Variants in AKAP6 observed in about 807,000 individuals in gnomAD.
The protein encoded by AKAP6 is A-kinase anchor protein 6.
Under a neutral mutation model 188.5 loss-of-function variants are expected in AKAP6, and 58 were observed. The ratio of observed to expected loss-of-function variants is 0.31; its 90% CI spans 0.25 to 0.38. The LOEUF is 0.38. Ranked by LOEUF, AKAP6 falls within the 10% of genes least tolerant of loss-of-function variation. The pLI, the probability that AKAP6 is intolerant of heterozygous loss-of-function variation, is 1.00. For missense variants in AKAP6, 2,710 were observed against 2,740.0 expected (o/e 0.99, Z 0.24); for synonymous variants, 989 against 998.6 (o/e 0.99, Z 0.18).
At chr14:32,380,009 T>C (rs1326096360) in intron 1 of AKAP6, among the ~76,000 whole-genome samples, 3 of 152,216 alleles carry the variant, frequency 2.0e-5, no homozygotes, top group African/African-American at 4.8e-5. Context: ...TACTTCCTTA[T>C]ATAAATTTGT....
Position 32,599,511 on chromosome 14 carries a change from ATCC to A in AKAP6, c.2566+10_2566+12del. ...TTATTGCATCTCACAAAGCAGGTAAATCCTCCTGAAATATTGCAAGTCTTTACG... is the reference window on the plus strand; with the variant it reads ...TTATTGCATCTCACAAAGCAGGTAAATCCTGAAATATTGCAAGTCTTTACG... On this transcript the variant is annotated splice_donor_region_variant and intron_variant, in intron 6 of 13. Transcript: ENST00000280979. 1 of 1,611,518 alleles carries A rather than the reference ATCC, an allele frequency of 6.2e-7. No individual in the cohort carries two copies. The highest frequency in any genetic ancestry group is 8.5e-7 in the Non-Finnish European group (1 of 1,178,236).
At position 32,489,948 on chromosome 14, in the gene AKAP6, G is replaced by C. The variant is rs563030170; in HGVS notation, c.325-45606G>C. ...TGAAAAGAGAGTCAGCAAAAGGGTGGTGGGATTATCATTAGTTCTTATAGG... is the reference window on the plus strand; with the variant it reads ...TGAAAAGAGAGTCAGCAAAAGGGTGCTGGGATTATCATTAGTTCTTATAGG... On this transcript the variant is annotated intron_variant, in intron 2 of 13. Transcript: ENST00000280979. 8.9e-4 allele frequency among the ~76,000 whole-genome samples: 135 copies of C among 152,212 alleles called. 1 individual carries two copies. Among genetic ancestry groups the C allele is most frequent in the Non-Finnish European group, 1.6e-3 (110 of 68,044 alleles).
At chr14:32,610,384 C>G (rs1462028509) in intron 7 of AKAP6, among the ~76,000 whole-genome samples, 1 of 152,160 alleles carries the variant, frequency 6.6e-6, no homozygotes, top group East Asian at 1.9e-4. Context: ...TGCTCTTGCT[C>G]ATGGCTTTTC....
At chr14:32,379,751 T>A (rs3784174) in intron 1 of AKAP6, among the ~76,000 whole-genome samples, 79 of 152,206 alleles carry the variant, frequency 5.2e-4, no homozygotes, top group African/African-American at 1.7e-3. Context: ...GCAACTCCTG[T>A]CAAGAACATT....
intron 12 of AKAP6, among the ~76,000 whole-genome samples, chr14:32,806,317 C>T (rs1234613844): frequency 6.6e-6 from 1 of 152,196 alleles, no homozygotes; most frequent in African/African-American, 2.4e-5. Context: ...CTGTTAGATA[C>T]TTGATAGGTG....
chr14:32,591,253 T>C (rs1446282222), intron 5 of AKAP6, among the ~76,000 whole-genome samples: 1 of 152,104 alleles, frequency 6.6e-6, no homozygotes, highest in Non-Finnish European at 1.5e-5. Flanking sequence ...GAACCTCTGT[T>C]TGGGAATCCA....
chr14:32,711,076 C>T lies in AKAP6; in HGVS notation c.3000+14966C>T, dbSNP rs146739861. On this transcript the variant is annotated intron_variant, in intron 9 of 13. Transcript: ENST00000280979. ...GTATAAATAATAACTATTATGGCAACGCTTTAGGAATATCCATTATTGTAC... is the reference window on the plus strand; with the variant it reads ...GTATAAATAATAACTATTATGGCAATGCTTTAGGAATATCCATTATTGTAC... Among the ~76,000 whole-genome samples, 101 of 152,134 alleles carry T rather than the reference C, an allele frequency of 6.6e-4. 1 individual carries two copies. The highest frequency in any genetic ancestry group is 1.2e-3 in the Non-Finnish European group (81 of 67,960).
chr14:32,833,644 A>G lies in AKAP6; in HGVS notation c.*3839A>G, dbSNP rs148595721. The G allele has an allele frequency of 6.6e-6, 1 of 152,350 alleles. No individual in the cohort carries two copies. Among genetic ancestry groups the G allele is most frequent in the Non-Finnish European group, 1.5e-5 (1 of 68,030 alleles). The allele number at this position is 152,350 out of a possible 1,614,324, so 9.4% of individuals were successfully genotyped here. On this transcript the variant is annotated 3_prime_UTR_variant, in exon 14 of 14. Transcript: ENST00000280979. ...ATTCTATAATTCCTAGAAACAAACTAGATGAAAATATCAATGAAATGATCC... is the reference window on the plus strand; with the variant it reads ...ATTCTATAATTCCTAGAAACAAACTGGATGAAAATATCAATGAAATGATCC...
chr14:32,510,429 T>TATATGTGTATATATATATAC (rs1566546653), intron 2 of AKAP6, among the ~76,000 whole-genome samples: 1 of 93,904 alleles, frequency 1.1e-5, no homozygotes, highest in African/African-American at 5.1e-5. Context: ...TATATACATA[T>TATATGTGTATATATATATAC]ATATATGTGT....
intron 8 of AKAP6, among the ~76,000 whole-genome samples, chr14:32,680,635 TA>T (rs1298333907): frequency 1.3e-5 from 2 of 152,308 alleles, no homozygotes; most frequent in East Asian, 3.9e-4. Flanking sequence ...ACAAGCATGC[TA>T]AAAAGATTAT....
At chr14:32,674,546 C>CA (rs1160410862) in intron 7 of AKAP6, among the ~76,000 whole-genome samples, 1 of 152,112 alleles carries the variant, frequency 6.6e-6, no homozygotes, top group Non-Finnish European at 1.5e-5. Context: ...GAGGAAGAGT[C>CA]AAGAATGACT....
intron 7 of AKAP6, among the ~76,000 whole-genome samples, chr14:32,662,860 A>G (rs1474060954): frequency 6.6e-6 from 1 of 152,042 alleles, no homozygotes; most frequent in Non-Finnish European, 1.5e-5. Flanking sequence ...ATGGTATCCT[A>G]ATTCTATTAT....
chr14:32,607,264 T>C (rs1328148799), intron 7 of AKAP6, among the ~76,000 whole-genome samples: 2 of 152,250 alleles, frequency 1.3e-5, no homozygotes, highest in Non-Finnish European at 2.9e-5. Context: ...AGTTAGCATG[T>C]TCCTTAATAT....
chr14:32,696,137 C>T (rs1336811392), intron 9 of AKAP6, 27 bp downstream of exon 9: 1 of 1,578,154 alleles, frequency 6.3e-7, no homozygotes, highest in Non-Finnish European at 8.6e-7. Context: ...CTGCCTTTAC[C>T]TTGCTGTGGA....
intron 10 of AKAP6, 176 bp downstream of exon 10, chr14:32,732,776 A>ATTT: frequency 6.8e-6 from 4 of 588,508 alleles, no homozygotes; most frequent in East Asian, 6.3e-5. Flanking sequence ...TCTTCTGTTG[A>ATTT]TTTTTTTTTT....
chr14:32,632,459 G>C (rs1594797996), intron 7 of AKAP6, among the ~76,000 whole-genome samples: 1 of 152,140 alleles, frequency 6.6e-6, no homozygotes, highest in East Asian at 1.9e-4. Flanking sequence ...ATATTTTGTA[G>C]GATTGCAAGA....
intron 2 of AKAP6, among the ~76,000 whole-genome samples, chr14:32,497,286 T>G (rs1452299439): frequency 1.3e-5 from 2 of 152,150 alleles, no homozygotes; most frequent in Non-Finnish European, 2.9e-5. Flanking sequence ...ATCTCCTAAG[T>G]CCTGCTTTTA....
In AKAP6 at chr14:32,822,855, A is replaced by T. The variant is rs1206957554; in HGVS notation, c.5042A>T (p.Asn1681Ile). 2.5e-6 allele frequency: 4 copies of T among 1,613,820 alleles called. No individual in the cohort carries two copies. The East Asian group carries it at 6.7e-5, about 27-fold the overall frequency. Residue 1681 changes from asparagine to isoleucine, a missense_variant, in exon 13 of 14, where the codon AAT (asparagine) becomes ATT (isoleucine). Asn to Ile is a moderately radical substitution (Grantham distance 149, BLOSUM62 -3). This residue lies in a region of AKAP6 where 2,473 missense variants were observed against 2,426.1 expected (regional missense o/e 1.02). Transcript: ENST00000280979. Reference protein sequence around the residue: ...QMSLDIASSINEDSAASLTEL... With the variant: ...QMSLDIASSIIEDSAASLTEL... ...TCATTGGACATAGCATCTTCTATCA[A>T]TGAAGACTCAGCGGCATCTCTAACA... is the stretch of plus-strand genomic sequence containing the variant.
intron 9 of AKAP6, among the ~76,000 whole-genome samples, chr14:32,712,589 C>A (rs2029947805): frequency 6.6e-6 from 1 of 152,050 alleles, no homozygotes; most frequent in African/African-American, 2.4e-5. Context: ...CCTTTGCTGT[C>A]ATTTCAACAG....
Sources: gnomAD v4.1 joint callset for allele counts (sites outside exome capture counted in the v4.1 genomes callset) on GRCh38, gnomAD v4.1.1 for gene constraint, gnomAD v4.1.1 regional missense constraint, MANE v1.5 for transcripts, NCBI Gene and HGNC (gene_info 2026-07-23, HGNC 2026-07-21) for gene names.